The following CCDC102A variants were observed in gnomAD, a reference collection of about 807,000 sequenced individuals.
CCDC102A encodes coiled-coil domain-containing protein 102A.
CCDC102A carries 40 observed loss-of-function variants against 55.5 expected under a neutral mutation model. The observed-to-expected ratio is 0.72, with a 90% CI of 0.56 to 0.94. The LOEUF (loss-of-function observed/expected upper bound fraction) is 0.94. Among genes scored for constraint, CCDC102A ranks in the 40% least tolerant of loss-of-function variants. The probability of loss-of-function intolerance (pLI) is 0.00; values close to 1 mark genes in which losing one functional copy is unlikely to be tolerated. For synonymous variants in CCDC102A, 323 were observed against 339.0 expected (o/e 0.95, Z 0.52); for missense variants, 779 against 768.6 (o/e 1.01, Z -0.16).
Position 57,528,809 on chromosome 16 carries a change from G to T in CCDC102A, c.369C>A (p.Arg123=). 1 of 1,238,474 alleles carries T rather than the reference G, an allele frequency of 8.1e-7. No homozygotes were observed. Among genetic ancestry groups the T allele is most frequent in the Admixed American group, 4.0e-5 (1 of 25,060 alleles). 76.7% of individuals were successfully genotyped at this position (1,238,474 alleles called of 1,614,324 possible). A position where few individuals can be genotyped will look rare whatever the true frequency, so the allele number is the denominator to read the frequency against. ...GCGCGTCCAGGCGCTGGCGCAGCTGGCGCACCTCCTCGCGCGCGCGGTTGC... is the reference window on the plus strand; with the variant it reads ...GCGCGTCCAGGCGCTGGCGCAGCTGTCGCACCTCCTCGCGCGCGCGGTTGC... ...AERNRAREEV[R]QLRQRLDALT... is the part of the protein sequence containing the mutation. The change falls in exon 2 of 9, where the codon CGC becomes CGA. Residue 123 remains arginine (R), a synonymous_variant. Transcript: ENST00000258214.
chr16:57,513,132 G>A (rs1473425892), intron 8 of CCDC102A, among the ~76,000 whole-genome samples: 1 of 152,214 alleles, frequency 6.6e-6, no homozygotes, highest in Non-Finnish European at 1.5e-5. Flanking sequence ...TGAAGTGGGT[G>A]GTGCCAGAGC....
intron 5 of CCDC102A, among the ~76,000 whole-genome samples, 155 bp from the exon 6 acceptor site, chr16:57,518,432 C>G (rs1377047773): frequency 6.6e-6 from 1 of 152,232 alleles, no homozygotes; most frequent in East Asian, 1.9e-4. Context: ...TCATGGTGTA[C>G]AGGATGTGAG....
At chr16:57,530,949 TCA>T (rs2032247560) in intron 1 of CCDC102A, among the ~76,000 whole-genome samples, 1 of 151,806 alleles carries the variant, frequency 6.6e-6, no homozygotes, top group South Asian at 2.1e-4. Flanking sequence ...CTTCCCTGCC[TCA>T]CTTGCTTCCA....
intron 8 of CCDC102A, among the ~76,000 whole-genome samples, chr16:57,514,591 T>G (rs2031920688): frequency 6.6e-6 from 1 of 152,186 alleles, no homozygotes; most frequent in African/African-American, 2.4e-5. Flanking sequence ...ATGAAGAAAC[T>G]GACACAGAGA....
chr16:57,520,956 G>T, intron 4 of CCDC102A, 112 bp downstream of exon 4: 15 of 605,712 alleles, frequency 2.5e-5, no homozygotes, highest in Non-Finnish European at 3.4e-5. Context: ...AAAAAAAAAA[G>T]AACAACTGTT....
At chr16:57,535,457 G>A (rs1412939900) in intron 1 of CCDC102A, among the ~76,000 whole-genome samples, 1 of 152,184 alleles carries the variant, frequency 6.6e-6, no homozygotes, top group Non-Finnish European at 1.5e-5. Context: ...CGGACCAGCA[G>A]CAAGGCCAGA....
intron 8 of CCDC102A, among the ~76,000 whole-genome samples, chr16:57,513,567 G>A (rs2031902681): frequency 6.6e-6 from 1 of 152,338 alleles, no homozygotes; most frequent in South Asian, 2.1e-4. Context: ...ACGACACAGC[G>A]GTCCTGGGTG....
At chr16:57,518,043 C>T in intron 6 of CCDC102A, 25 bp downstream of exon 6, 1 of 1,574,400 alleles carries the variant, frequency 6.4e-7, no homozygotes, top group Non-Finnish European at 8.6e-7. Context: ...AGCCCCAGCA[C>T]TGGCCACTCC....
At chr16:57,520,058 T>C (rs1598072652) in intron 4 of CCDC102A, among the ~76,000 whole-genome samples, 2 of 152,350 alleles carry the variant, frequency 1.3e-5, no homozygotes, top group South Asian at 4.1e-4. Flanking sequence ...ATCTGTAAGA[T>C]GGGGACATGA....
rs761489995 is a variant in CCDC102A at position 57,518,236 on chromosome 16, G to A, written c.1080C>T (p.Arg360=). 6 of 1,611,726 alleles carry A rather than the reference G, an allele frequency of 3.7e-6. No homozygotes were observed. In the Admixed American group the frequency reaches 1.0e-4, roughly 27 times the overall value. The change falls in exon 6 of 9, where the codon CGC becomes CGT. Residue 360 remains arginine, a synonymous_variant. Transcript: ENST00000258214. ...GTTTCTCTGTCTCCAGCCGCTCCCG[G>A]CGGCCCCACTCCGCAGCGTTTTCGG... The part of the protein sequence containing the change: ...LQAENAAEWG[R]RERLETEKLG...
Position 57,512,517 on chromosome 16 carries a change from C to CGCGCGT in CCDC102A, c.*223_*224insACGCGC, listed in dbSNP as rs1555518800. ...GGGTCCAAAGACTTCTGGGTGTGCG[C>CGCGCGT]GCGCGCGCGCGCGTGTGTGTATATA... is the stretch of plus-strand genomic sequence containing the variant. On this transcript the variant is annotated 3_prime_UTR_variant, in exon 9 of 9. Coordinates refer to ENST00000258214, the MANE Select transcript of CCDC102A (RefSeq NM_033212.4). 3 of 450,318 alleles carry CGCGCGT rather than the reference C, an allele frequency of 6.7e-6. No individual in the cohort carries two copies. The African/African-American group carries it at 6.7e-5, about 10-fold the overall frequency. 27.9% of individuals were successfully genotyped at this position (450,318 alleles called of 1,614,324 possible).
intron 1 of CCDC102A, among the ~76,000 whole-genome samples, chr16:57,532,489 C>T (rs2032285126): frequency 6.6e-6 from 1 of 152,208 alleles, no homozygotes; most frequent in African/African-American, 2.4e-5. Flanking sequence ...CATCTGTGCA[C>T]ACACAGACAT....
intron 2 of CCDC102A, among the ~76,000 whole-genome samples, chr16:57,527,668 C>T (rs2032163717): frequency 6.6e-6 from 1 of 152,202 alleles, no homozygotes; most frequent in African/African-American, 2.4e-5. Flanking sequence ...GATCCACCAG[C>T]TTTGGCCTCC....
At chr16:57,521,611 G>C (rs1022257606) in intron 3 of CCDC102A, among the ~76,000 whole-genome samples, 6 of 152,202 alleles carry the variant, frequency 3.9e-5, no homozygotes, top group Admixed American at 1.3e-4. Flanking sequence ...GCAAGGCTTG[G>C]TCTGAACACA....
intron 3 of CCDC102A, among the ~76,000 whole-genome samples, chr16:57,523,944 C>T (rs1387276370): frequency 5.9e-5 from 9 of 152,138 alleles, no homozygotes; most frequent in Non-Finnish European, 2.9e-5. Context: ...GAAGGTGATG[C>T]TGAGCTCAGC....
At chr16:57,515,308 C>G in intron 8 of CCDC102A, 33 bp downstream of exon 8, 1 of 1,345,026 alleles carries the variant, frequency 7.4e-7, no homozygotes, top group Non-Finnish European at 1.0e-6. Context: ...CTGGAAGTCT[C>G]TGCCCTGTTT....
intron 2 of CCDC102A, 51 bp downstream of exon 2, chr16:57,528,542 G>A (rs773821316): frequency 2.6e-6 from 3 of 1,142,812 alleles, no homozygotes; most frequent in East Asian, 4.6e-5. Context: ...AGGACAATCG[G>A]CCCCGCCCAC....
At chr16:57,532,780 T>C (rs573104667) in intron 1 of CCDC102A, among the ~76,000 whole-genome samples, 2 of 151,662 alleles carry the variant, frequency 1.3e-5, no homozygotes, top group East Asian at 3.9e-4. Flanking sequence ...TAGCTCCACA[T>C]AGAGAAGCTC....
intron 1 of CCDC102A, among the ~76,000 whole-genome samples, chr16:57,534,131 C>G (rs904127384): frequency 3.3e-5 from 5 of 152,222 alleles, no homozygotes; most frequent in Admixed American, 6.5e-5. Flanking sequence ...CTGCCACCAA[C>G]TCCAGGAAAT....
Sources: allele counts gnomAD v4.1 joint callset (sites outside exome capture counted in the v4.1 genomes callset), GRCh38; gene constraint gnomAD v4.1.1; transcripts MANE v1.5; gene names NCBI Gene and HGNC (gene_info 2026-07-23, HGNC 2026-07-21).